TAF15: variants seen among roughly 807,000 people sequenced by gnomAD.
The protein encoded by TAF15 is TATA-binding protein-associated factor 2N.
Under a neutral mutation model 102.5 loss-of-function variants are expected in TAF15, and 37 were observed. The ratio of observed to expected loss-of-function variants is 0.36; its 90% CI spans 0.28 to 0.47. The LOEUF is 0.47. TAF15 is among the 20% of genes least tolerant of loss of function. TAF15 has a pLI of 0.99. For synonymous variants in TAF15, 273 were observed against 259.2 expected, an observed-to-expected ratio of 1.05 and a Z score of -0.51; for missense variants, 652 against 760.7, an observed-to-expected ratio of 0.86 and a Z score of 1.68.
chr17:35,845,138 A>T, intron 15 of TAF15, 100 bp downstream of exon 15: 2 of 1,446,176 alleles, frequency 1.4e-6, no homozygotes, highest in Non-Finnish European at 1.9e-6. Context: ...TGAATTTCCC[A>T]TTGCCAGTTC....
At chr17:35,840,408 C>T (rs750946308) in intron 11 of TAF15, among the ~76,000 whole-genome samples, 3 of 150,984 alleles carry the variant, frequency 2.0e-5, no homozygotes, top group African/African-American at 7.3e-5. Flanking sequence ...CATGCCACCA[C>T]GCCCGGCTAA....
At position 35,845,049 on chromosome 17, in the gene TAF15, G is replaced by C; in HGVS notation, c.1739+11G>C. ...CAAAATGGGAGGAAGGTGAGTATTA[G>C]AATGTGTTTATTAACCTTTTTACCT... On this transcript the variant is annotated intron_variant, in intron 15 of 15. Coordinates refer to ENST00000605844, the MANE Select transcript of TAF15 (RefSeq NM_139215.3). The C allele has an allele frequency of 6.2e-7, 1 of 1,613,902 alleles. No individual in the cohort carries two copies. Among genetic ancestry groups the C allele is most frequent in the Non-Finnish European group, 8.5e-7 (1 of 1,179,970 alleles).
At chr17:35,819,072 C>T (rs961261858) in intron 2 of TAF15, among the ~76,000 whole-genome samples, 1 of 151,862 alleles carries the variant, frequency 6.6e-6, no homozygotes, top group African/African-American at 2.4e-5. Flanking sequence ...TTTTACAGCT[C>T]AGTGTAAGAT....
At chr17:35,826,352 C>T (rs557467097) in intron 7 of TAF15, among the ~76,000 whole-genome samples, 197 of 152,022 alleles carry the variant, frequency 1.3e-3, no homozygotes, top group African/African-American at 4.1e-3. Context: ...GTATGGATGC[C>T]GATTACTCTT....
chr17:35,844,021 C>T, intron 12 of TAF15, 56 bp from the exon 13 acceptor site: 3 of 1,471,036 alleles, frequency 2.0e-6, no homozygotes, highest in South Asian at 1.1e-5. Flanking sequence ...TGATGCTTTT[C>T]TTCTGTTTTG....
At chr17:35,837,450 C>T (rs966971492) in intron 10 of TAF15, among the ~76,000 whole-genome samples, 4 of 151,912 alleles carry the variant, frequency 2.6e-5, no homozygotes, top group African/African-American at 9.7e-5. Flanking sequence ...ATCCACCATG[C>T]CTGGCCTAAA....
chr17:35,835,667 T>C (rs1020670869), intron 9 of TAF15, among the ~76,000 whole-genome samples: 4 of 152,244 alleles, frequency 2.6e-5, no homozygotes, highest in African/African-American at 9.6e-5. Context: ...ACAAAGCTTA[T>C]TGCAATGAAT....
chr17:35,842,240 A>G (rs2087557138), intron 11 of TAF15, 127 bp from the exon 12 acceptor site: 4 of 728,716 alleles, frequency 5.5e-6, no homozygotes, highest in Non-Finnish European at 9.7e-6. Flanking sequence ...GACTCTTTGC[A>G]TTTGAATTTC....
chr17:35,828,146 G>T (rs1212946629), intron 7 of TAF15, among the ~76,000 whole-genome samples: 1 of 152,176 alleles, frequency 6.6e-6, no homozygotes, highest in East Asian at 1.9e-4. Context: ...CTAAAATCCA[G>T]ATTTTTGAGG....
chr17:35,822,025 A>T (rs1338185054), intron 5 of TAF15, among the ~76,000 whole-genome samples: 1 of 151,578 alleles, frequency 6.6e-6, no homozygotes, highest in Non-Finnish European at 1.5e-5. Context: ...ACTTTGTAGC[A>T]TCTTTTACTT....
chr17:35,846,882 C>T (rs371069961), intron 15 of TAF15, 24 bp from the exon 16 acceptor site: 14 of 1,613,744 alleles, frequency 8.7e-6, no homozygotes, highest in Admixed American at 3.3e-5. Context: ...GAATTTAGTC[C>T]GGCTCTTTAT....
intron 1 of TAF15, chr17:35,817,333 T>G (rs1267552084): frequency 4.5e-6 from 1 of 220,126 alleles, no homozygotes; most frequent in East Asian, 1.1e-4. Flanking sequence ...GATGTTCAAG[T>G]AGATGTAATC....
intron 8 of TAF15, 191 bp from the exon 9 acceptor site, chr17:35,834,352 TAGGACAAGTTAAAGGAAATGTTG>T: frequency 1.7e-6 from 1 of 573,608 alleles, no homozygotes; most frequent in Non-Finnish European, 3.0e-6. Context: ...AGGTGCTGTC[TAGGACAAGTTAAAGGAAATGTTG>T]ACATTCATCT....
At chr17:35,832,565 A>G (rs1336772230) in intron 7 of TAF15, among the ~76,000 whole-genome samples, 1 of 150,114 alleles carries the variant, frequency 6.7e-6, no homozygotes, top group Non-Finnish European at 1.5e-5. Context: ...CACCCCCCAT[A>G]AGATTGGTAT....
intron 11 of TAF15, among the ~76,000 whole-genome samples, chr17:35,839,155 G>T (rs1320422422): frequency 6.7e-6 from 1 of 149,746 alleles, no homozygotes; most frequent in Non-Finnish European, 1.5e-5. Context: ...GTGGTGTGCA[G>T]CTGTGGTCCC....
Position 35,844,642 on chromosome 17 carries a change from G to A in TAF15, c.1343G>A (p.Gly448Glu). ...GATAGAAGTGGGGGCGGCTATGGTGGAGACAGAAGTGGGGGTGGCTATGGT... is the reference window on the plus strand; with the variant it reads ...GATAGAAGTGGGGGCGGCTATGGTGAAGACAGAAGTGGGGGTGGCTATGGT... ...SGDRSGGGYG[G>E]DRSGGGYGGD... Residue 448 changes from glycine to glutamate, a missense_variant, in exon 15 of 16, where the codon GGA (glycine) becomes GAA (glutamate). By Grantham distance (98) the Gly-to-Glu change is moderately conservative. Around this residue, in one of 3 missense-constraint regions of TAF15, gnomAD observed 368 missense variants for 367.5 expected, o/e 1.00. Coordinates refer to ENST00000605844, the MANE Select transcript of TAF15 (RefSeq NM_139215.3). The A allele has an allele frequency of 6.2e-7, 1 of 1,602,214 alleles. No individual in the cohort carries two copies. The highest frequency in any genetic ancestry group is 8.5e-7 in the Non-Finnish European group (1 of 1,173,058).
chr17:35,820,697 T>C (rs1281458095), intron 5 of TAF15, among the ~76,000 whole-genome samples: 1 of 152,170 alleles, frequency 6.6e-6, no homozygotes, highest in Non-Finnish European at 1.5e-5. Flanking sequence ...GGACCTCTGC[T>C]TTATCCCTGA....
chr17:35,824,369 A>G, intron 7 of TAF15, 171 bp downstream of exon 7: 1 of 874,376 alleles, frequency 1.1e-6, no homozygotes, highest in Non-Finnish European at 1.7e-6. Context: ...CAGTCTTAAT[A>G]TCTCACATAA....
At chr17:35,811,797 A>G (rs1302543013) in intron 1 of TAF15, among the ~76,000 whole-genome samples, 1 of 152,270 alleles carries the variant, frequency 6.6e-6, no homozygotes, top group Admixed American at 6.5e-5. Flanking sequence ...AACGAATTCA[A>G]ATCAGTTACA....
Sources: allele counts gnomAD v4.1 joint callset (sites outside exome capture counted in the v4.1 genomes callset), GRCh38; gene constraint gnomAD v4.1.1; regional missense constraint gnomAD v4.1.1; transcripts MANE v1.5; gene names NCBI Gene and HGNC (gene_info 2026-07-23, HGNC 2026-07-21).